Variants in CCSER1 observed in about 807,000 individuals in gnomAD.
The protein encoded by CCSER1 is serine-rich coiled-coil domain-containing protein 1.
A neutral mutation model predicts 82.0 loss-of-function variants in CCSER1; 41 were observed. That is an observed-to-expected ratio of 0.50 (90% confidence interval 0.39 to 0.65). CCSER1 has a LOEUF of 0.65. Among genes scored for constraint, CCSER1 ranks in the 30% least tolerant of loss-of-function variants. CCSER1 has a pLI of 0.00. For missense variants in CCSER1, 1,119 were observed against 1,064.2 expected (o/e 1.05, Z -0.72); for synonymous variants, 414 against 383.9 (o/e 1.08, Z -0.92).
intron 1 of CCSER1, among the ~76,000 whole-genome samples, chr4:90,141,599 AAATG>A (rs1457461120): frequency 2.7e-4 from 41 of 152,364 alleles, no homozygotes; most frequent in African/African-American, 9.9e-4. Context: ...AATTTTTAAA[AAATG>A]AATGAGGAGA....
intron 10 of CCSER1, among the ~76,000 whole-genome samples, chr4:91,190,370 A>G (rs1308241747): frequency 4.6e-5 from 7 of 152,116 alleles, no homozygotes; most frequent in African/African-American, 1.2e-4. Context: ...CTTTCAAACC[A>G]AAGTGGCTTT....
chr4:90,971,509 A>G (rs1191710065), intron 9 of CCSER1, among the ~76,000 whole-genome samples: 1 of 151,956 alleles, frequency 6.6e-6, no homozygotes, highest in Non-Finnish European at 1.5e-5. Flanking sequence ...CAGAGATTGA[A>G]TCAATAATCC....
intron 9 of CCSER1, among the ~76,000 whole-genome samples, chr4:90,981,059 A>G (rs1301968527): frequency 6.6e-6 from 1 of 151,794 alleles, no homozygotes; most frequent in Non-Finnish European, 1.5e-5. Flanking sequence ...CTCTAGGGAA[A>G]GCCCTCAAAC....
intron 9 of CCSER1, among the ~76,000 whole-genome samples, chr4:90,976,746 T>C (rs1010242930): frequency 6.6e-6 from 1 of 151,446 alleles, no homozygotes; most frequent in African/African-American, 2.4e-5. Context: ...TTCTGGAGAC[T>C]TCATACTACT....
intron 10 of CCSER1, among the ~76,000 whole-genome samples, chr4:91,579,836 T>A (rs1035998829): frequency 6.6e-6 from 1 of 151,878 alleles, no homozygotes; most frequent in Admixed American, 6.6e-5. Flanking sequence ...ACTTTTCCTT[T>A]GTAAATTATA....
intron 8 of CCSER1, among the ~76,000 whole-genome samples, chr4:90,895,522 T>C (rs1254947813): frequency 6.6e-6 from 1 of 151,874 alleles, no homozygotes; most frequent in East Asian, 1.9e-4. Flanking sequence ...AGAATAAAAA[T>C]ACAGAAAACC....
chr4:90,470,091 C>T (rs1206726988), intron 5 of CCSER1, among the ~76,000 whole-genome samples: 6 of 152,030 alleles, frequency 3.9e-5, no homozygotes, highest in Non-Finnish European at 7.4e-5. Context: ...CTAAGTACTC[C>T]GTAAATTCTC....
At chr4:90,474,624 A>G (rs1008147811) in intron 5 of CCSER1, among the ~76,000 whole-genome samples, 1 of 152,218 alleles carries the variant, frequency 6.6e-6, no homozygotes, top group Admixed American at 6.5e-5. Flanking sequence ...GGGAAATTCT[A>G]TAAATGAGGA....
intron 3 of CCSER1, among the ~76,000 whole-genome samples, chr4:90,337,597 T>A (rs1055431194): frequency 6.8e-6 from 1 of 147,280 alleles, no homozygotes; most frequent in African/African-American, 2.6e-5. Context: ...TACTAATAAA[T>A]ATGCTAATGT....
At chr4:90,828,204 A>T (rs1238715651) in intron 8 of CCSER1, among the ~76,000 whole-genome samples, 2 of 152,322 alleles carry the variant, frequency 1.3e-5, no homozygotes, top group Non-Finnish European at 1.5e-5. Flanking sequence ...AAGTGCTCTC[A>T]ATTTGAAGTA....
intron 10 of CCSER1, among the ~76,000 whole-genome samples, chr4:91,340,345 C>G (rs185332197): frequency 4.6e-5 from 7 of 152,084 alleles, no homozygotes; most frequent in Non-Finnish European, 1.0e-4. Context: ...CAATCACTGT[C>G]CTGAATTAAA....
intron 10 of CCSER1, among the ~76,000 whole-genome samples, chr4:91,175,674 CA>C (rs1733259219): frequency 6.6e-6 from 1 of 152,058 alleles, no homozygotes; most frequent in Non-Finnish European, 1.5e-5. Flanking sequence ...GGCGTTGTTT[CA>C]TTTTTTTCTT....
chr4:91,409,216 A>G (rs1752882679), intron 10 of CCSER1, among the ~76,000 whole-genome samples: 1 of 152,218 alleles, frequency 6.6e-6, no homozygotes, highest in Non-Finnish European at 1.5e-5. Context: ...ACTTTGCATT[A>G]GGAACAATTA....
intron 1 of CCSER1, among the ~76,000 whole-genome samples, chr4:90,210,463 G>C (rs1190344001): frequency 1.6e-5 from 1 of 63,042 alleles, no homozygotes; most frequent in Non-Finnish European, 3.3e-5. Context: ...TTTTTTTTTT[G>C]GACAGGATTT....
intron 1 of CCSER1, among the ~76,000 whole-genome samples, chr4:90,277,652 A>C (rs192593608): frequency 2.2e-4 from 33 of 152,240 alleles, no homozygotes; most frequent in African/African-American, 7.5e-4. Context: ...CTGGATCCCT[A>C]CCTATCACCA....
rs979509102 is a variant in CCSER1, at chr4:91,173,233, C to A, written c.2217+87239C>A. Among the ~76,000 whole-genome samples, 6 of 152,038 alleles carry A rather than the reference C, an allele frequency of 3.9e-5. No individual in the cohort carries two copies. In the East Asian group the frequency reaches 1.2e-3, roughly 29 times the overall value. On this transcript the variant is annotated intron_variant, in intron 10 of 10. Coordinates refer to ENST00000509176, the MANE Select transcript of CCSER1 (RefSeq NM_001145065.2). ...TTTAAAACAATAGAGCAAATGTTTG[C>A]CCAAATGATTTCAGTCTTGTAGGTC...
chr4:90,687,008 C>T (rs1366367384), intron 6 of CCSER1, among the ~76,000 whole-genome samples: 10 of 152,172 alleles, frequency 6.6e-5, no homozygotes, highest in South Asian at 2.1e-4. Flanking sequence ...CATGAAGGTT[C>T]AGCCCCACTG....
At chr4:90,144,053 A>C (rs1385178542) in intron 1 of CCSER1, among the ~76,000 whole-genome samples, 1 of 152,234 alleles carries the variant, frequency 6.6e-6, no homozygotes, top group Non-Finnish European at 1.5e-5. Flanking sequence ...AAGCCACTTC[A>C]GCATCCAAAC....
rs924652742 is a variant in CCSER1 at position 90,280,410 on chromosome 4, C to T, written c.-41-27834C>T. Among the ~76,000 whole-genome samples, 5 of 150,770 alleles carry T rather than the reference C, an allele frequency of 3.3e-5. No individual in the cohort carries two copies. In the East Asian group the frequency reaches 7.8e-4, roughly 23 times the overall value. On this transcript the variant is annotated intron_variant, in intron 1 of 10. Transcript: ENST00000509176. ...TTCCATCTCCTGTTTTTTTCTTCTT[C>T]TTCTTCTTTTTAAATCACAAGGACT...
Sources: allele counts gnomAD v4.1 joint callset (sites outside exome capture counted in the v4.1 genomes callset), GRCh38; gene constraint gnomAD v4.1.1; transcripts MANE v1.5; gene names NCBI Gene and HGNC (gene_info 2026-07-23, HGNC 2026-07-21).